The following SOHLH2 variants were observed in gnomAD, a reference collection of about 807,000 sequenced individuals.
SOHLH2 encodes spermatogenesis and oogenesis specific basic helix-loop-helix 2.
SOHLH2 carries 22 observed loss-of-function variants against 50.4 expected under a neutral mutation model. The observed-to-expected ratio is 0.44, with a 90% CI of 0.31 to 0.62. The LOEUF is 0.62. Among genes scored for constraint, SOHLH2 ranks in the 20% least tolerant of loss-of-function variants. The probability of loss-of-function intolerance (pLI) is 0.08; values close to 1 mark genes in which losing one functional copy is unlikely to be tolerated. For missense variants in SOHLH2, 412 were observed against 504.4 expected (o/e 0.82, Z 1.76); for synonymous variants, 185 against 187.3 (o/e 0.99, Z 0.10).
chr13:36,190,122 C>A, intron 5 of SOHLH2, 66 bp from the exon 6 acceptor site: 2 of 1,439,406 alleles, frequency 1.4e-6, no homozygotes, highest in Non-Finnish European at 1.9e-6. Context: ...TTAAATAATA[C>A]GCACCAATAC....
In SOHLH2 at chr13:36,169,003, G is replaced by A. The variant is rs374508454; in HGVS notation, c.*31C>T. ...GATTGTCAAACTGCGCCCAGTAGGT[G>A]GTTGAGAGTGTGAATTTCAAACATG... On this transcript the variant is annotated 3_prime_UTR_variant, in exon 11 of 11. Coordinates refer to ENST00000379881, the MANE Select transcript of SOHLH2 (RefSeq NM_017826.3). 340 of 1,602,648 alleles carry A rather than the reference G, an allele frequency of 2.1e-4. No homozygotes were observed. The highest frequency in any genetic ancestry group is 2.7e-4 in the Non-Finnish European group (319 of 1,176,246).
intron 2 of SOHLH2, among the ~76,000 whole-genome samples, chr13:36,198,221 G>A (rs896188744): frequency 6.6e-6 from 1 of 152,184 alleles, no homozygotes; most frequent in Non-Finnish European, 1.5e-5. Context: ...CTGAGCTCAT[G>A]AGAATCACAG....
intron 6 of SOHLH2, 63 bp from the exon 7 acceptor site, chr13:36,174,932 A>G: frequency 6.6e-7 from 1 of 1,515,638 alleles, no homozygotes; most frequent in African/African-American, 1.4e-5. Flanking sequence ...GTACCCAAAG[A>G]CAAACAACAC....
chr13:36,207,970 T>TA, intron 1 of SOHLH2, among the ~76,000 whole-genome samples: 1 of 152,198 alleles, frequency 6.6e-6, no homozygotes, highest in Non-Finnish European at 1.5e-5. Context: ...TCTCCACTGT[T>TA]AAGTCACTTG....
chr13:36,190,800 A>G (rs1201519820), intron 5 of SOHLH2, among the ~76,000 whole-genome samples: 1 of 152,194 alleles, frequency 6.6e-6, no homozygotes, highest in Non-Finnish European at 1.5e-5. Context: ...TCCCAACCCC[A>G]TATCCTAGAT....
chr13:36,169,131 T>C (rs1886895371), intron 10 of SOHLH2, 77 bp from the exon 11 acceptor site: 1 of 1,544,092 alleles, frequency 6.5e-7, no homozygotes. Flanking sequence ...TTGTATTTTC[T>C]ATATCCTAAA....
At chr13:36,188,595 A>G (rs577755688) in intron 6 of SOHLH2, among the ~76,000 whole-genome samples, 3 of 152,200 alleles carry the variant, frequency 2.0e-5, no homozygotes, top group African/African-American at 7.2e-5. Flanking sequence ...CCAGCTCTTA[A>G]CCTTACTTGA....
intron 6 of SOHLH2, among the ~76,000 whole-genome samples, chr13:36,177,002 G>A (rs549428562): frequency 9.2e-5 from 14 of 151,990 alleles, no homozygotes; most frequent in South Asian, 4.2e-4. Flanking sequence ...TATATGTAAC[G>A]AAAATCCTAA....
intron 1 of SOHLH2, among the ~76,000 whole-genome samples, chr13:36,204,153 G>A (rs992846853): frequency 6.6e-6 from 1 of 151,926 alleles, no homozygotes; most frequent in Admixed American, 6.6e-5. Context: ...GTTTCACCAT[G>A]TTGGCCAGGC....
rs186389239 is a variant in SOHLH2, at chr13:36,174,012, C to A, written c.882-202G>T. Among the ~76,000 whole-genome samples the A allele has an allele frequency of 2.1e-3, 326 of 152,322 alleles. 1 individual carries two copies. The highest frequency in any genetic ancestry group is 6.1e-3 in the Admixed American group (93 of 15,304). ...GAATGATGTGCTTTTTCTCCAGTTTCTCTTTGTTTACATATTCTGATCAAT... is the reference window on the plus strand; with the variant it reads ...GAATGATGTGCTTTTTCTCCAGTTTATCTTTGTTTACATATTCTGATCAAT... On this transcript the variant is annotated intron_variant, in intron 8 of 10. Coordinates refer to ENST00000379881, the MANE Select transcript of SOHLH2 (RefSeq NM_017826.3).
chr13:36,191,512 G>A (rs756990398), intron 5 of SOHLH2, among the ~76,000 whole-genome samples: 2 of 152,098 alleles, frequency 1.3e-5, no homozygotes, highest in East Asian at 3.8e-4. Context: ...ATACCACTGC[G>A]CTATTTAACT....
chr13:36,184,505 G>A (rs1301933552), intron 6 of SOHLH2, among the ~76,000 whole-genome samples: 2 of 124,744 alleles, frequency 1.6e-5, no homozygotes, highest in African/African-American at 6.4e-5. Context: ...TCTTGCCCAG[G>A]CTGGAGTACA....
At chr13:36,207,010 TTA>T (rs1408432775) in intron 1 of SOHLH2, among the ~76,000 whole-genome samples, 2 of 151,858 alleles carry the variant, frequency 1.3e-5, no homozygotes, top group African/African-American at 2.4e-5. Flanking sequence ...ACCTCAAATT[TTA>T]TTTTTCTGAT....
chr13:36,196,188 T>C (rs1887724153), intron 2 of SOHLH2, among the ~76,000 whole-genome samples: 1 of 143,630 alleles, frequency 7.0e-6, no homozygotes, highest in Non-Finnish European at 1.5e-5. Context: ...TGCAGTGGCG[T>C]GGTCAAGGCT....
chr13:36,192,990 A>G (rs1887618685), intron 4 of SOHLH2, among the ~76,000 whole-genome samples: 1 of 152,224 alleles, frequency 6.6e-6, no homozygotes, highest in Non-Finnish European at 1.5e-5. Context: ...GAGAAAGACC[A>G]AAAATAGTCA....
chr13:36,201,833 A>T (rs1566045137), intron 2 of SOHLH2, 46 bp downstream of exon 2: 5 of 1,593,000 alleles, frequency 3.1e-6, no homozygotes, highest in Non-Finnish European at 3.4e-6. Flanking sequence ...ATGGGTTTTT[A>T]AAAAAATGAT....
At chr13:36,178,229 C>T (rs916215463) in intron 6 of SOHLH2, among the ~76,000 whole-genome samples, 2 of 152,080 alleles carry the variant, frequency 1.3e-5, no homozygotes, top group African/African-American at 4.8e-5. Flanking sequence ...TGAATAGTGT[C>T]ATCCTAGAAG....
At chr13:36,212,575 A>G (rs918199226) in intron 1 of SOHLH2, among the ~76,000 whole-genome samples, 28 of 152,340 alleles carry the variant, frequency 1.8e-4, no homozygotes, top group Non-Finnish European at 8.8e-5. Context: ...TAGTACATCT[A>G]AGATTTTCAC....
Position 36,193,796 on chromosome 13 carries a change from A to G in SOHLH2, c.325+10T>C, listed in dbSNP as rs761143631. The G allele has an allele frequency of 8.7e-6, 14 of 1,602,912 alleles. No homozygotes were observed. The East Asian group carries it at 3.1e-4, about 36-fold the overall frequency. On this transcript the variant is annotated intron_variant, in intron 3 of 10. Transcript: ENST00000379881. ...AGAAAAAACAAATACTATATTTAGC[A>G]GGTACATACCTTTAAAATTTTCAGG...
Sources: allele counts gnomAD v4.1 joint callset (sites outside exome capture counted in the v4.1 genomes callset), GRCh38; gene constraint gnomAD v4.1.1; transcripts MANE v1.5; gene names NCBI Gene and HGNC (gene_info 2026-07-23, HGNC 2026-07-21).